The following CFH variants were observed in gnomAD, a reference collection of about 807,000 sequenced individuals.
CFH encodes complement factor H, also known as H factor 1 (complement).
A neutral mutation model predicts 147.3 loss-of-function variants in CFH; 53 were observed. The observed-to-expected ratio is 0.36, with a 90% CI of 0.29 to 0.45. The LOEUF is 0.45. CFH is among the 20% of genes least tolerant of loss of function. The pLI is 1.00. For synonymous variants in CFH, 536 were observed against 489.4 expected, an observed-to-expected ratio of 1.10 and a Z score of -1.26; for missense variants, 1,380 against 1,498.0, an observed-to-expected ratio of 0.92 and a Z score of 1.30.
intron 13 of CFH, 43 bp downstream of exon 13, chr1:196,726,695 G>A (rs1427548395): frequency 6.2e-7 from 1 of 1,606,342 alleles, no homozygotes; most frequent in South Asian, 1.1e-5. Flanking sequence ...CAAAACTTTT[G>A]TATTTTGTAT....
At position 196,715,625 on chromosome 1, in the gene CFH, A is replaced by G; in HGVS notation, c.1552A>G (p.Arg518Gly). 1 of 1,612,764 alleles carries G rather than the reference A, an allele frequency of 6.2e-7. No homozygotes were observed. Among genetic ancestry groups the G allele is most frequent in the African/African-American group, 1.3e-5 (1 of 74,972 alleles). ...TGATATCCCAGTATTTATGAATGCC[A>G]GAACTAAAAATGACTTCACATGGTT... ...SCDIPVFMNA[R>G]TKNDFTWFKL... is the part of the protein sequence containing the mutation. The change falls in exon 11 of 22, where the codon AGA (arginine) becomes GGA (glycine). Residue 518 changes from arginine to glycine, a missense_variant. Arg to Gly is a moderately radical substitution (Grantham distance 125). Transcript: ENST00000367429.
In CFH at chr1:196,689,548, T is replaced by A. The variant is rs981845714; in HGVS notation, c.1093T>A (p.Ser365Thr). The A allele has an allele frequency of 1.9e-6, 3 of 1,613,480 alleles. No individual in the cohort carries two copies. In the African/African-American group the frequency reaches 4.0e-5, roughly 22 times the overall value. Residue 365 changes from serine (S) to threonine (T), a missense_variant, in exon 8 of 22, where the codon TCA becomes ACA. Physicochemically the swap from Ser to Thr is moderately conservative, Grantham distance 58. Around this residue, in one of 4 missense-constraint regions of CFH, gnomAD observed 167 missense variants for 228.0 expected, o/e 0.73. Coordinates refer to ENST00000367429, the MANE Select transcript of CFH (RefSeq NM_000186.4). ...YYCDEHFETPSGSYWDHIHCT... is the reference protein window; with the variant it reads ...YYCDEHFETPTGSYWDHIHCT... ...CTGTGATGAACATTTTGAGACTCCG[T>A]CAGGAAGTTACTGGGATCACATTCA... is the stretch of plus-strand genomic sequence containing the variant.
intron 9 of CFH, among the ~76,000 whole-genome samples, chr1:196,697,240 T>G (rs1668304607): frequency 1.3e-5 from 2 of 151,998 alleles, no homozygotes; most frequent in Non-Finnish European, 2.9e-5. Flanking sequence ...GGGAGAAAAT[T>G]TTTGCAATCT....
chr1:196,685,300 A>T (rs755470655), intron 7 of CFH, 63 bp downstream of exon 7: 197 of 1,510,154 alleles, frequency 1.3e-4, no homozygotes, highest in Non-Finnish European at 1.6e-4. Context: ...ACACATAAAA[A>T]ATAGGGACTC....
chr1:196,659,925 A>G (rs1666845913), intron 1 of CFH, among the ~76,000 whole-genome samples: 1 of 152,242 alleles, frequency 6.6e-6, no homozygotes, highest in Non-Finnish European at 1.5e-5. Context: ...TATGAAAAAC[A>G]TTGTTCTTCA....
At chr1:196,672,915 C>A in intron 1 of CFH, 63 bp from the exon 2 acceptor site, 3 of 1,384,752 alleles carry the variant, frequency 2.2e-6, no homozygotes, top group Non-Finnish European at 3.0e-6. Context: ...GCAACAATTA[C>A]CTAAATATAC....
chr1:196,735,432 A>G (rs1444271765), intron 15 of CFH, among the ~76,000 whole-genome samples: 1 of 152,140 alleles, frequency 6.6e-6, no homozygotes, highest in East Asian at 1.9e-4. Flanking sequence ...ACTGGGTCAC[A>G]ATGTTCTTCA....
intron 20 of CFH, among the ~76,000 whole-genome samples, chr1:196,745,310 T>G (rs1652962487): frequency 6.6e-6 from 1 of 152,138 alleles, no homozygotes; most frequent in African/African-American, 2.4e-5. Flanking sequence ...GTTGTTGTAT[T>G]TTTCTGAATG....
Position 196,666,260 on chromosome 1 carries a change from C to T in CFH, c.59-6718C>T, listed in dbSNP as rs145974905. 1.1e-3 allele frequency among the ~76,000 whole-genome samples: 166 copies of T among 152,172 alleles called. 2 individuals are homozygous for T. The highest frequency in any genetic ancestry group is 3.5e-3 in the African/African-American group (147 of 41,506). On this transcript the variant is annotated intron_variant, in intron 1 of 21. Transcript: ENST00000367429. ...TTTATGTGATCATCACTATTATTTGCTGTTTTCTATTTTCTTTAGATTTCA... is the reference window on the plus strand; with the variant it reads ...TTTATGTGATCATCACTATTATTTGTTGTTTTCTATTTTCTTTAGATTTCA...
chr1:196,705,053 A>C (rs1051319654), intron 9 of CFH, among the ~76,000 whole-genome samples: 1 of 152,228 alleles, frequency 6.6e-6, no homozygotes, highest in Non-Finnish European at 1.5e-5. Flanking sequence ...CAAGGCTTCA[A>C]AAACTCACTA....
chr1:196,735,849 A>G (rs138496135), intron 15 of CFH, among the ~76,000 whole-genome samples: 2 of 152,110 alleles, frequency 1.3e-5, no homozygotes, highest in Non-Finnish European at 2.9e-5. Flanking sequence ...CATTATCAAT[A>G]ACCTTTAATG....
intron 1 of CFH, among the ~76,000 whole-genome samples, chr1:196,660,210 G>T (rs182292915): frequency 3.3e-5 from 5 of 152,216 alleles, no homozygotes; most frequent in Admixed American, 2.6e-4. Flanking sequence ...CTAAGAGGAG[G>T]AAATAACCCG....
At chr1:196,719,382 G>T (rs1414117126) in intron 11 of CFH, among the ~76,000 whole-genome samples, 2 of 151,886 alleles carry the variant, frequency 1.3e-5, no homozygotes. Flanking sequence ...CTATGTAGAA[G>T]ATTGGTATAG....
chr1:196,723,055 A>G (rs1669039557), intron 11 of CFH, among the ~76,000 whole-genome samples: 1 of 152,102 alleles, frequency 6.6e-6, no homozygotes, highest in Non-Finnish European at 1.5e-5. Context: ...TAAATATTTT[A>G]AATTCTTTGG....
In CFH at chr1:196,677,541, G is replaced by T. The variant is rs1279011591; in HGVS notation, c.493G>T (p.Asp165Tyr). The T allele has an allele frequency of 6.2e-6, 10 of 1,613,122 alleles. No individual in the cohort carries two copies. The highest frequency in any genetic ancestry group is 1.3e-5 in the African/African-American group (1 of 74,846). Residue 165 changes from aspartate (D) to tyrosine (Y), a missense_variant, in exon 5 of 22, where the codon GAT (aspartate) becomes TAT (tyrosine). Coordinates refer to ENST00000367429, the MANE Select transcript of CFH (RefSeq NM_000186.4). ...AATTGTCAGTAGTGCAATGGAACCA[G>T]ATCGGGAATACCATTTTGGACAAGC... ...GKIVSSAMEP[D>Y]REYHFGQAVR...
rs185578519 is a variant in CFH at position 196,653,495 on chromosome 1, G to A, written c.58+1320G>A. 4.2e-3 allele frequency among the ~76,000 whole-genome samples: 644 copies of A among 151,802 alleles called. 2 individuals are homozygous for A. Among genetic ancestry groups the A allele is most frequent in the African/African-American group, 0.015 (623 of 41,480 alleles). On this transcript the variant is annotated intron_variant, in intron 1 of 21. Transcript: ENST00000367429. ...CTAAATTTATGGGAATGTTTCTAAC[G>A]TTTCATACCTACATACTGTTTGCTC...
chr1:196,695,970 T>C (rs1265160689), intron 9 of CFH, among the ~76,000 whole-genome samples: 2 of 152,134 alleles, frequency 1.3e-5, no homozygotes, highest in African/African-American at 4.8e-5. Context: ...TGACTTCCTC[T>C]CTTCCTATTT....
At chr1:196,680,847 G>A (rs1667627317) in intron 6 of CFH, among the ~76,000 whole-genome samples, 1 of 151,802 alleles carries the variant, frequency 6.6e-6, no homozygotes, top group South Asian at 2.1e-4. Flanking sequence ...AAAAAATTTT[G>A]GTTTGAGCCC....
chr1:196,722,023 A>T (rs1445402141), intron 11 of CFH, among the ~76,000 whole-genome samples: 1 of 152,034 alleles, frequency 6.6e-6, no homozygotes, highest in African/African-American at 2.4e-5. Flanking sequence ...TTTTAAGTGG[A>T]ACATTTAATC....
Sources: allele counts gnomAD v4.1 joint callset (sites outside exome capture counted in the v4.1 genomes callset), GRCh38; gene constraint gnomAD v4.1.1; regional missense constraint gnomAD v4.1.1; transcripts MANE v1.5; gene names NCBI Gene and HGNC (gene_info 2026-07-23, HGNC 2026-07-21).